The following CNST variants were observed in gnomAD, a reference collection of about 807,000 sequenced individuals.
CNST encodes consortin.
CNST carries 39 observed loss-of-function variants against 72.4 expected under a neutral mutation model. The ratio of observed to expected loss-of-function variants is 0.54; its 90% CI spans 0.42 to 0.70. The LOEUF is 0.70. Among genes scored for constraint, CNST ranks in the 30% least tolerant of loss-of-function variants. CNST has a pLI of 0.00. For missense variants in CNST, 871 were observed against 868.5 expected (o/e 1.00, Z -0.04); for synonymous variants, 332 against 320.1 (o/e 1.04, Z -0.40).
rs368044305 is a variant in CNST at position 246,612,566 on chromosome 1, T to A, written c.380-8863T>A. ...ATGTTTAAAATGTTAAATTTTGTGT[T>A]ATGTTTTTTTAAAAAAATAGCCCCC... On this transcript the variant is annotated intron_variant, in intron 2 of 10. Transcript: ENST00000366513. Among the ~76,000 whole-genome samples, 3 of 152,238 alleles carry A rather than the reference T, an allele frequency of 2.0e-5. No individual in the cohort carries two copies. In the East Asian group the frequency reaches 5.8e-4, roughly 29 times the overall value.
At chr1:246,605,919 G>C (rs1159066776) in intron 2 of CNST, 1 of 152,064 alleles carries the variant, frequency 6.6e-6, no homozygotes, top group Non-Finnish European at 1.5e-5. Context: ...AAGCGGCCTT[G>C]CGCCTTGGGA....
intron 10 of CNST, among the ~76,000 whole-genome samples, chr1:246,664,616 C>CA (rs1392282332): frequency 6.6e-6 from 1 of 151,784 alleles, no homozygotes; most frequent in Non-Finnish European, 1.5e-5. Flanking sequence ...TTAGTAGAGA[C>CA]GGGGTTTCAC....
chr1:246,665,953 G>A lies in CNST; in HGVS notation c.*48G>A. ...CTGGCAGTGAGAGTGAAAGGCGGGA[G>A]ACTTTCTAAACAGTTTTTCTTTCAG... On this transcript the variant is annotated 3_prime_UTR_variant, in exon 11 of 11. Coordinates refer to ENST00000366513, the MANE Select transcript of CNST (RefSeq NM_152609.3). The A allele has an allele frequency of 7.3e-7, 1 of 1,363,432 alleles. No homozygotes were observed. Among genetic ancestry groups the A allele is most frequent in the South Asian group, 1.2e-5 (1 of 82,540 alleles). 84.5% of individuals were successfully genotyped at this position (1,363,432 alleles called of 1,614,324 possible).
In CNST at chr1:246,665,721, G is replaced by A; in HGVS notation, c.1994G>A (p.Cys665Tyr). The A allele has an allele frequency of 6.2e-7, 1 of 1,613,226 alleles. No homozygotes were observed. The highest frequency in any genetic ancestry group is 8.5e-7 in the Non-Finnish European group (1 of 1,180,034). Residue 665 changes from cysteine to tyrosine, a missense_variant, in exon 11 of 11, where the codon TGT (cysteine) becomes TAT (tyrosine). By Grantham distance (194) the Cys-to-Tyr change is radical. Transcript: ENST00000366513. ...GCAGATGAAGTTGGAGGTGGCTCCT[G>A]TATTTTGCTGGTCTTGCTGTGCATA... is the stretch of plus-strand genomic sequence containing the variant. ...LDQDEVGGGS[C>Y]ILLVLLCIAT... is the part of the protein sequence containing the mutation.
chr1:246,567,851 C>G (rs1478586519), intron 1 of CNST, among the ~76,000 whole-genome samples: 1 of 152,148 alleles, frequency 6.6e-6, no homozygotes, highest in African/African-American at 2.4e-5. Flanking sequence ...CTGCCTCCCC[C>G]TCTCCCCTTA....
At chr1:246,640,887 T>A (rs1188608732) in intron 6 of CNST, among the ~76,000 whole-genome samples, 1 of 152,202 alleles carries the variant, frequency 6.6e-6, no homozygotes. Context: ...AATTTTTGCA[T>A]AGACGTATAT....
intron 6 of CNST, among the ~76,000 whole-genome samples, chr1:246,635,665 C>T (rs550755428): frequency 6.6e-5 from 10 of 152,252 alleles, no homozygotes; most frequent in South Asian, 6.2e-4. Flanking sequence ...TGTTGTCACG[C>T]GAGCATTTCC....
chr1:246,646,194 G>A (rs1173705800), intron 8 of CNST, among the ~76,000 whole-genome samples: 1 of 151,160 alleles, frequency 6.6e-6, no homozygotes, highest in Non-Finnish European at 1.5e-5. Flanking sequence ...GCAGGAGAAT[G>A]GTGTGAACCC....
intron 1 of CNST, among the ~76,000 whole-genome samples, chr1:246,576,257 A>AAAAGATTT (rs1660423525): frequency 1.9e-5 from 2 of 104,322 alleles, no homozygotes; most frequent in Admixed American, 1.1e-4. Context: ...AAAAAAAGAA[A>AAAAGATTT]CAAAGATTTC....
At chr1:246,595,774 G>T in intron 2 of CNST, among the ~76,000 whole-genome samples, 1 of 151,296 alleles carries the variant, frequency 6.6e-6, no homozygotes, top group South Asian at 2.1e-4. Context: ...CCAAAAAAAA[G>T]AACATGTAAA....
chr1:246,637,350 T>C (rs1665349324), intron 6 of CNST, among the ~76,000 whole-genome samples: 1 of 152,120 alleles, frequency 6.6e-6, no homozygotes, highest in Admixed American at 6.5e-5. Context: ...TGCAAGACAG[T>C]TATGTTGAGA....
At chr1:246,567,056 C>G (rs902041143) in intron 1 of CNST, among the ~76,000 whole-genome samples, 1 of 144,314 alleles carries the variant, frequency 6.9e-6, no homozygotes, top group Admixed American at 6.8e-5. Flanking sequence ...CTGGTCCCCC[C>G]CATCACTACC....
chr1:246,587,487 A>G (rs1661271165), intron 1 of CNST, among the ~76,000 whole-genome samples: 1 of 152,230 alleles, frequency 6.6e-6, no homozygotes, highest in South Asian at 2.1e-4. Flanking sequence ...AGAGGTGGCT[A>G]TAGTCTGAAC....
chr1:246,652,966 T>C (rs1160853780), intron 9 of CNST, among the ~76,000 whole-genome samples: 10 of 149,818 alleles, frequency 6.7e-5, no homozygotes, highest in African/African-American at 1.7e-4. Flanking sequence ...ATTGCACCAC[T>C]GCACTCCAGC....
chr1:246,639,833 C>T (rs532556919), intron 6 of CNST, among the ~76,000 whole-genome samples: 2 of 152,276 alleles, frequency 1.3e-5, no homozygotes, highest in Admixed American at 1.3e-4. Context: ...CCTAAAATGG[C>T]GTCAGCCCCA....
intron 10 of CNST, among the ~76,000 whole-genome samples, chr1:246,662,555 A>G (rs1251768867): frequency 6.6e-6 from 1 of 151,980 alleles, no homozygotes; most frequent in Admixed American, 6.6e-5. Context: ...CGCCTGGCTA[A>G]TTTTTGTACT....
Position 246,665,909 on chromosome 1 carries a change from C to T in CNST, c.*4C>T, listed in dbSNP as rs763937200. 1.0e-5 allele frequency: 16 copies of T among 1,592,810 alleles called. No homozygotes were observed. In the Middle Eastern group the frequency reaches 5.2e-4, roughly 52 times the overall value. ...GCACTGGATCTACCTCTCCTAGCAGCATTCCAGACACAGACATGCTGGCAG... is the reference window on the plus strand; with the variant it reads ...GCACTGGATCTACCTCTCCTAGCAGTATTCCAGACACAGACATGCTGGCAG... On this transcript the variant is annotated 3_prime_UTR_variant, in exon 11 of 11. Transcript: ENST00000366513.
chr1:246,576,866 C>T (rs1377530547), intron 1 of CNST, among the ~76,000 whole-genome samples: 1 of 151,962 alleles, frequency 6.6e-6, no homozygotes, highest in Non-Finnish European at 1.5e-5. Context: ...CCTCCACCCA[C>T]ATCCACAGTG....
intron 2 of CNST, among the ~76,000 whole-genome samples, chr1:246,595,597 A>G (rs1661823533): frequency 1.3e-5 from 2 of 152,166 alleles, no homozygotes; most frequent in South Asian, 4.1e-4. Context: ...AAAGTTTCAA[A>G]TTTTTCAGAC....
Sources: allele counts gnomAD v4.1 joint callset (sites outside exome capture counted in the v4.1 genomes callset), GRCh38; gene constraint gnomAD v4.1.1; transcripts MANE v1.5; gene names NCBI Gene and HGNC (gene_info 2026-07-23, HGNC 2026-07-21).